The following TMPRSS15 variants were observed in gnomAD, a reference collection of about 807,000 sequenced individuals.
TMPRSS15 encodes the protein enteropeptidase.
A neutral mutation model predicts 125.3 loss-of-function variants in TMPRSS15; 128 were observed. The observed-to-expected ratio is 1.02, with a 90% CI of 0.89 to 1.18. The LOEUF (loss-of-function observed/expected upper bound fraction) is 1.18. TMPRSS15 is among the 50% of genes most tolerant of loss of function. The pLI is 0.00. For synonymous variants in TMPRSS15, 446 were observed against 423.2 expected (o/e 1.05, Z -0.66); for missense variants, 1,283 against 1,212.7 (o/e 1.06, Z -0.86).
chr21:18,283,695 AT>A (rs2074729906), intron 21 of TMPRSS15, among the ~76,000 whole-genome samples: 1 of 152,116 alleles, frequency 6.6e-6, no homozygotes, highest in South Asian at 2.1e-4. Context: ...TTTTATACAT[AT>A]TTTATCTTCA....
intron 1 of TMPRSS15, among the ~76,000 whole-genome samples, chr21:18,478,305 G>T (rs111283958): frequency 1.3e-5 from 2 of 151,970 alleles, no homozygotes; most frequent in Admixed American, 6.6e-5. Flanking sequence ...TCCCATCTTG[G>T]TTATGCTGTT....
intron 1 of TMPRSS15, among the ~76,000 whole-genome samples, chr21:18,457,357 T>C (rs145133230): frequency 0.011 from 1,673 of 152,160 alleles, 27 homozygotes; most frequent in South Asian, 0.019. Flanking sequence ...CGTACGTTTC[T>C]CACCTACCCC....
chr21:18,407,301 G>T (rs1295885788), upstream of TMPRSS15, among the ~76,000 whole-genome samples: 1 of 151,778 alleles, frequency 6.6e-6, no homozygotes, highest in East Asian at 1.9e-4. Context: ...TTAATATTCT[G>T]CATTTTTAAA....
intron 1 of TMPRSS15, among the ~76,000 whole-genome samples, chr21:18,418,116 T>G (rs902271161): frequency 1.3e-5 from 2 of 152,144 alleles, no homozygotes; most frequent in South Asian, 2.1e-4. Flanking sequence ...CATGTCCAAT[T>G]AAAACAAAAG....
chr21:18,460,645 G>A (rs1200159956), intron 1 of TMPRSS15: 1 of 152,196 alleles, frequency 6.6e-6, no homozygotes, highest in Non-Finnish European at 1.5e-5. Context: ...GAGAGTTCAT[G>A]CTGCAGTTCA....
intron 24 of TMPRSS15, among the ~76,000 whole-genome samples, chr21:18,274,772 T>C (rs73208508): frequency 0.12 from 18,741 of 152,174 alleles, 1,299 homozygotes; most frequent in Middle Eastern, 0.21. Flanking sequence ...AAATTCAGGG[T>C]TGAAATTTAG....
intron 21 of TMPRSS15, among the ~76,000 whole-genome samples, chr21:18,289,569 T>C (rs867771090): frequency 2.6e-5 from 4 of 152,312 alleles, no homozygotes; most frequent in Middle Eastern, 6.8e-3. Flanking sequence ...ATGCCCCAAA[T>C]ACCTCATATA....
At chr21:18,322,572 G>T (rs2075250273) in intron 16 of TMPRSS15, among the ~76,000 whole-genome samples, 1 of 152,134 alleles carries the variant, frequency 6.6e-6, no homozygotes, top group Non-Finnish European at 1.5e-5. Context: ...CCTGTCATTT[G>T]CAACAACATG....
intron 1 of TMPRSS15, among the ~76,000 whole-genome samples, chr21:18,465,388 A>G (rs1363251933): frequency 6.6e-6 from 1 of 152,186 alleles, no homozygotes; most frequent in East Asian, 1.9e-4. Context: ...CCTATTCAAC[A>G]CAGTGTTAGA....
At chr21:18,284,212 CACT>C (rs1290190536) in intron 21 of TMPRSS15, among the ~76,000 whole-genome samples, 6 of 152,166 alleles carry the variant, frequency 3.9e-5, no homozygotes. Context: ...TTCTGTCATG[CACT>C]TAACTTCCCC....
intron 19 of TMPRSS15, among the ~76,000 whole-genome samples, chr21:18,296,951 T>C (rs528978576): frequency 6.6e-6 from 1 of 152,346 alleles, no homozygotes; most frequent in East Asian, 1.9e-4. Context: ...TGAATAATTA[T>C]CTAATTTCAT....
At chr21:18,285,217 C>T (rs2074748509) in intron 21 of TMPRSS15, among the ~76,000 whole-genome samples, 1 of 152,074 alleles carries the variant, frequency 6.6e-6, no homozygotes, top group African/African-American at 2.4e-5. Flanking sequence ...GCAGAAGCAG[C>T]ACCAGATAAG....
intron 10 of TMPRSS15, among the ~76,000 whole-genome samples, chr21:18,349,571 C>A (rs1326014288): frequency 6.6e-6 from 1 of 152,166 alleles, no homozygotes; most frequent in Non-Finnish European, 1.5e-5. Flanking sequence ...AATTCTCTTT[C>A]ATTTCAGAGA....
chr21:18,454,491 A>G (rs1170254086), intron 1 of TMPRSS15, among the ~76,000 whole-genome samples: 3 of 152,152 alleles, frequency 2.0e-5, no homozygotes, highest in East Asian at 3.9e-4. Flanking sequence ...GTCCCGTGAT[A>G]TGCCAGTGAG....
intron 21 of TMPRSS15, among the ~76,000 whole-genome samples, chr21:18,290,415 C>T (rs1297169943): frequency 1.3e-5 from 2 of 151,696 alleles, no homozygotes; most frequent in African/African-American, 4.8e-5. Flanking sequence ...ACAAGATTAA[C>T]CTGGAACATC....
chr21:18,484,847 G>A (rs1979049605), intron 1 of TMPRSS15, among the ~76,000 whole-genome samples: 1 of 151,702 alleles, frequency 6.6e-6, no homozygotes, highest in East Asian at 1.9e-4. Flanking sequence ...ATCTGCCACT[G>A]TATTTTTTCT....
intron 8 of TMPRSS15, 49 bp from the exon 9 acceptor site, chr21:18,353,912 T>G: frequency 2.6e-6 from 4 of 1,553,396 alleles, no homozygotes; most frequent in Non-Finnish European, 3.5e-6. Flanking sequence ...TATCTGTTCA[T>G]CTCTCTATCC....
intron 1 of TMPRSS15, among the ~76,000 whole-genome samples, chr21:18,485,261 C>CTGTGAAT (rs1979057053): frequency 6.6e-6 from 1 of 151,756 alleles, no homozygotes; most frequent in South Asian, 2.1e-4. Flanking sequence ...ATAATTTCAT[C>CTGTGAAT]TGTGAATAAT....
chr21:18,445,976 A>G (rs776702332), intron 1 of TMPRSS15, among the ~76,000 whole-genome samples: 2 of 152,236 alleles, frequency 1.3e-5, no homozygotes, highest in Admixed American at 6.5e-5. Context: ...GGCAAGAGAA[A>G]GAAATAAAGG....
Sources: allele counts gnomAD v4.1 joint callset (sites outside exome capture counted in the v4.1 genomes callset), GRCh38; gene constraint gnomAD v4.1.1; transcripts MANE v1.5; gene names NCBI Gene and HGNC (gene_info 2026-07-23, HGNC 2026-07-21).